The following PRPSAP1 variants were observed in gnomAD, a reference collection of about 807,000 sequenced individuals.
PRPSAP1 encodes phosphoribosyl pyrophosphate synthase-associated protein 1.
Under a neutral mutation model 39.4 loss-of-function variants are expected in PRPSAP1, and 31 were observed. The observed-to-expected ratio is 0.79, with a 90% CI of 0.59 to 1.06. The LOEUF (loss-of-function observed/expected upper bound fraction) is 1.06. Ranked by LOEUF, PRPSAP1 falls within the 50% of genes least tolerant of loss-of-function variation. The pLI is 0.00. For synonymous variants in PRPSAP1, 212 were observed against 192.6 expected, an observed-to-expected ratio of 1.10 and a Z score of -0.83; for missense variants, 430 against 511.6, an observed-to-expected ratio of 0.84 and a Z score of 1.54.
At position 76,313,903 on chromosome 17, in the gene PRPSAP1, AAAC is replaced by A; in HGVS notation, c.782-15_782-13del. On this transcript the variant is annotated splice_polypyrimidine_tract_variant and intron_variant, in intron 7 of 9. Transcript: ENST00000446526. The stretch of plus-strand genomic sequence containing the variant: ...TTTGGCCATCATCACTAGCAAAACA[AAAC>A]AAATTACAAGATCTCAGTCATTCAT... 1 of 1,613,958 alleles carries A rather than the reference AAAC, an allele frequency of 6.2e-7. No homozygotes were observed.
intron 1 of PRPSAP1, among the ~76,000 whole-genome samples, chr17:76,349,883 C>T (rs933093629): frequency 3.3e-5 from 5 of 150,242 alleles, no homozygotes; most frequent in African/African-American, 4.9e-5. Flanking sequence ...GCCAGGAGTT[C>T]GAGACCCGCC....
At chr17:76,328,210 G>A (rs2071274314) in intron 7 of PRPSAP1, among the ~76,000 whole-genome samples, 1 of 150,694 alleles carries the variant, frequency 6.6e-6, no homozygotes, top group African/African-American at 2.4e-5. Context: ...AAAAGGCGGA[G>A]GATAGCAAAT....
chr17:76,329,996 T>G, intron 6 of PRPSAP1, 47 bp downstream of exon 6: 1 of 1,568,874 alleles, frequency 6.4e-7, no homozygotes, highest in Admixed American at 1.7e-5. Flanking sequence ...TCATTCTGAC[T>G]TCGGGAGCAC....
chr17:76,310,656 T>A lies in PRPSAP1; in HGVS notation c.*886A>T, dbSNP rs1004138561. 2 of 150,552 alleles carry A rather than the reference T, an allele frequency of 1.3e-5. No individual in the cohort carries two copies. Among genetic ancestry groups the A allele is most frequent in the African/African-American group, 4.9e-5 (2 of 40,820 alleles). The allele number at this position is 150,552 out of a possible 1,614,324, so 9.3% of individuals were successfully genotyped here. On this transcript the variant is annotated 3_prime_UTR_variant, in exon 10 of 10. Transcript: ENST00000446526. ...CTAATTTTTGTATTTTTTGTAGACA[T>A]GGGGGTTTCGCCATGTTTCCCAGGC...
At chr17:76,341,044 CT>C (rs1475937876) in intron 3 of PRPSAP1, among the ~76,000 whole-genome samples, 1 of 152,000 alleles carries the variant, frequency 6.6e-6, no homozygotes, top group East Asian at 1.9e-4. Flanking sequence ...AGCTCCTCCC[CT>C]GACTCATAGA....
intron 3 of PRPSAP1, among the ~76,000 whole-genome samples, chr17:76,340,224 GA>G (rs1338426997): frequency 1.3e-5 from 2 of 151,500 alleles, no homozygotes; most frequent in African/African-American, 4.9e-5. Context: ...GGCCTCAAGT[GA>G]TCCTCTCACC....
chr17:76,316,792 G>T (rs1598517120), intron 7 of PRPSAP1, among the ~76,000 whole-genome samples: 1 of 152,314 alleles, frequency 6.6e-6, no homozygotes, highest in African/African-American at 2.4e-5. Flanking sequence ...TATGAAGGAT[G>T]TAGGAAGTTG....
At chr17:76,343,378 G>A (rs2071460755) in intron 3 of PRPSAP1, among the ~76,000 whole-genome samples, 2 of 152,222 alleles carry the variant, frequency 1.3e-5, no homozygotes, top group Admixed American at 1.3e-4. Flanking sequence ...CTAGAAACAG[G>A]CCACGGTGCA....
intron 8 of PRPSAP1, 145 bp from the exon 9 acceptor site, chr17:76,313,161 G>A (rs569110895): frequency 4.9e-5 from 53 of 1,084,250 alleles, no homozygotes; most frequent in South Asian, 1.5e-4. Flanking sequence ...GTCAAAGAAC[G>A]AGCATCCAGA....
intron 7 of PRPSAP1, among the ~76,000 whole-genome samples, chr17:76,327,222 C>T (rs2071264464): frequency 6.6e-6 from 1 of 151,916 alleles, no homozygotes; most frequent in Non-Finnish European, 1.5e-5. Flanking sequence ...GTGGTGTGTG[C>T]CTGAAGTCAC....
intron 2 of PRPSAP1, among the ~76,000 whole-genome samples, chr17:76,347,917 T>A (rs962656596): frequency 2.7e-4 from 41 of 151,982 alleles, no homozygotes; most frequent in African/African-American, 2.4e-5. Context: ...GGTAAAGGGG[T>A]AGAATCTGGA....
At chr17:76,319,106 A>AT (rs1295711678) in intron 7 of PRPSAP1, among the ~76,000 whole-genome samples, 1 of 151,700 alleles carries the variant, frequency 6.6e-6, no homozygotes, top group East Asian at 1.9e-4. Flanking sequence ...GGCCTGGCTA[A>AT]TTTTTGTATT....
chr17:76,334,051 G>C (rs1389611697), intron 3 of PRPSAP1, among the ~76,000 whole-genome samples: 1 of 152,198 alleles, frequency 6.6e-6, no homozygotes, highest in African/African-American at 2.4e-5. Flanking sequence ...ACCATTCCCA[G>C]ACAGGCTCTT....
At chr17:76,352,736 A>AGG (rs1487137506) in intron 1 of PRPSAP1, among the ~76,000 whole-genome samples, 1 of 151,986 alleles carries the variant, frequency 6.6e-6, no homozygotes, top group African/African-American at 2.4e-5. Flanking sequence ...ATGAGCCCCT[A>AGG]CTCTGCTAGA....
chr17:76,326,337 A>G (rs1432750805), intron 7 of PRPSAP1, among the ~76,000 whole-genome samples: 1 of 152,212 alleles, frequency 6.6e-6, no homozygotes, highest in African/African-American at 2.4e-5. Context: ...CATTTTGATG[A>G]GAAGCAGAAT....
chr17:76,353,629 AACGGGGCGGGCGCGCGGG>A lies in PRPSAP1; in HGVS notation c.57_74del (p.Arg21_Pro26del), dbSNP rs1383778936. ...GAGCGGCGTTCATGGCCGGCGGGGG[AACGGGGCGGGCGCGCGGG>A]ACGCGGAAAGCCGAGGACGCGGAGG... On this transcript the variant is annotated inframe_deletion, in exon 1 of 10. Transcript: ENST00000446526. 11 of 1,546,386 alleles carry A rather than the reference AACGGGGCGGGCGCGCGGG, an allele frequency of 7.1e-6. No homozygotes were observed. The highest frequency in any genetic ancestry group is 1.4e-5 in the African/African-American group (1 of 70,536).
intron 3 of PRPSAP1, among the ~76,000 whole-genome samples, chr17:76,333,589 G>T (rs1193696440): frequency 6.6e-6 from 1 of 151,932 alleles, no homozygotes; most frequent in African/African-American, 2.4e-5. Flanking sequence ...AGGTTGCAGT[G>T]AGCCGAGATC....
chr17:76,350,800 A>G (rs2071560238), intron 1 of PRPSAP1, among the ~76,000 whole-genome samples: 1 of 152,234 alleles, frequency 6.6e-6, no homozygotes, highest in Non-Finnish European at 1.5e-5. Context: ...CGGGAGGCCA[A>G]GGTAGGTGGA....
chr17:76,341,225 CT>C lies in PRPSAP1; in HGVS notation c.290+3445del, dbSNP rs1227950670. On this transcript the variant is annotated intron_variant, in intron 3 of 9. Transcript: ENST00000446526. ...CAACGAATTAGTGTTAACAATTTGA[CT>C]TTTTTTTGTTTTTTTTTTTTTTTTT... is the stretch of plus-strand genomic sequence containing the variant. Among the ~76,000 whole-genome samples, 20 of 122,190 alleles carry C rather than the reference CT, an allele frequency of 1.6e-4. No individual in the cohort carries two copies. The East Asian group carries it at 3.1e-3, about 19-fold the overall frequency. The allele number at this position is 122,190 out of a possible 152,430, so 80.2% of individuals were successfully genotyped here.
Sources: gnomAD v4.1 joint callset for allele counts (sites outside exome capture counted in the v4.1 genomes callset) on GRCh38, gnomAD v4.1.1 for gene constraint, MANE v1.5 for transcripts, NCBI Gene and HGNC (gene_info 2026-07-23, HGNC 2026-07-21) for gene names.